Variants in KLC1 observed in about 807,000 individuals in gnomAD.
KLC1 encodes the protein kinesin light chain 1.
A neutral mutation model predicts 84.2 loss-of-function variants in KLC1; 30 were observed. That is an observed-to-expected ratio of 0.36 (90% CI 0.27 to 0.48). The LOEUF is 0.48. Ranked by LOEUF, KLC1 falls within the 20% of genes least tolerant of loss-of-function variation. The pLI is 0.99. For synonymous variants in KLC1, 289 were observed against 293.3 expected (o/e 0.99, Z 0.15); for missense variants, 499 against 805.4 (o/e 0.62, Z 4.60).
intron 1 of KLC1, among the ~76,000 whole-genome samples, chr14:103,638,182 A>G (rs1038475407): frequency 6.6e-6 from 1 of 152,026 alleles, no homozygotes; most frequent in African/African-American, 2.4e-5. Context: ...AACATCCCTT[A>G]TAAACCTTTG....
intron 1 of KLC1, among the ~76,000 whole-genome samples, chr14:103,634,592 G>T (rs1335455116): frequency 6.6e-6 from 1 of 152,154 alleles, no homozygotes. Flanking sequence ...GAGATGGGGA[G>T]TGGGTCTAAG....
rs185842830 is a variant in KLC1, at chr14:103,633,802, A to G, written c.-2+4308A>G. On this transcript the variant is annotated intron_variant, in intron 1 of 16. Transcript: ENST00000334553. ...TTCTTCACTTCCCCACATACTCCTT[A>G]GCCTCTGCCCTGATTTTTCTCCTTA... 1.8e-3 allele frequency among the ~76,000 whole-genome samples: 272 copies of G among 152,122 alleles called. 4 individuals are homozygous for G. The highest frequency in any genetic ancestry group is 3.1e-3 in the Non-Finnish European group (210 of 68,000).
At chr14:103,674,533 G>C (rs1001693386) in intron 9 of KLC1, among the ~76,000 whole-genome samples, 13 of 151,670 alleles carry the variant, frequency 8.6e-5, no homozygotes, top group African/African-American at 3.1e-4. Context: ...TCCTACCTCA[G>C]CCTCCCGAGT....
At chr14:103,687,273 C>A in intron 14 of KLC1, 62 bp downstream of exon 14, 1 of 1,448,230 alleles carries the variant, frequency 6.9e-7, no homozygotes, top group Non-Finnish European at 9.3e-7. Flanking sequence ...GCTTCTCTTC[C>A]TAGCGCAGCC....
rs2081825422 is a variant in KLC1 at position 103,687,149 on chromosome 14, T to C, written c.1719T>C (p.Ser573=). ...SKLRASIRRS[S]EKLVRKLKGG... ...TCCGGGCTTCCATTAGACGCAGCAG[T>C]GAGAAGCTGGTTAGGAAGCTGAAGG... is the stretch of plus-strand genomic sequence containing the variant. The change falls in exon 14 of 17, where the codon AGT becomes AGC. Residue 573 remains serine, a synonymous_variant. Coordinates refer to ENST00000334553, the MANE Select transcript of KLC1 (RefSeq NM_001394837.1). 2.6e-6 allele frequency: 4 copies of C among 1,547,358 alleles called. No individual in the cohort carries two copies. In the East Asian group the frequency reaches 9.8e-5, roughly 38 times the overall value.
At chr14:103,681,950 G>A (rs1315994789) in intron 13 of KLC1, among the ~76,000 whole-genome samples, 1 of 152,172 alleles carries the variant, frequency 6.6e-6, no homozygotes, top group Non-Finnish European at 1.5e-5. Flanking sequence ...TTCTGTTTAA[G>A]TGAAAATTTC....
Position 103,662,708 on chromosome 14 carries a change from A to C in KLC1, c.578A>C (p.Gln193Pro), listed in dbSNP as rs768352788. The C allele has an allele frequency of 8.2e-6, 13 of 1,580,420 alleles. No homozygotes were observed. In the South Asian group the frequency reaches 1.5e-4, roughly 18 times the overall value. The change falls in exon 5 of 17, where the codon CAG (glutamine) becomes CCG (proline). Residue 193 changes from glutamine to proline, a missense_variant. By Grantham distance (76) the Gln-to-Pro change is moderately conservative. This residue lies in a region of KLC1 where 179 missense variants were observed against 264.2 expected (regional missense o/e 0.68). Transcript: ENST00000334553. ...GTGAACTTTCTCGGTGCAGTCCAGCAGCAGCACAGCAGTGCAGCCGCGGCT... is the reference window on the plus strand; with the variant it reads ...GTGAACTTTCTCGGTGCAGTCCAGCCGCAGCACAGCAGTGCAGCCGCGGCT... Reference protein sequence around the residue: ...DEDDPGQGIQQQHSSAAAAAQ... With the variant: ...DEDDPGQGIQPQHSSAAAAAQ...
At chr14:103,685,308 TATATAC>T in intron 13 of KLC1, 11 of 1,320,192 alleles carry the variant, frequency 8.3e-6, no homozygotes, top group Non-Finnish European at 1.1e-5. Flanking sequence ...ATAATCTCCT[TATATAC>T]AGTTACTTGT....
chr14:103,671,094 A>G (rs927201872), intron 7 of KLC1, among the ~76,000 whole-genome samples: 4 of 152,130 alleles, frequency 2.6e-5, no homozygotes, highest in Admixed American at 2.0e-4. Context: ...ACAGTGGAAC[A>G]TGTGCTTGTC....
At chr14:103,645,729 A>G (rs1351178490) in intron 1 of KLC1, among the ~76,000 whole-genome samples, 1 of 151,780 alleles carries the variant, frequency 6.6e-6, no homozygotes, top group Non-Finnish European at 1.5e-5. Context: ...ATCTAAACAT[A>G]GAAAAGATAT....
At chr14:103,629,977 C>T (rs962128178) in intron 1 of KLC1, among the ~76,000 whole-genome samples, 2 of 152,164 alleles carry the variant, frequency 1.3e-5, no homozygotes, top group Non-Finnish European at 2.9e-5. Context: ...CCGATTCCTC[C>T]TCTTCCTTCC....
intron 5 of KLC1, among the ~76,000 whole-genome samples, chr14:103,668,804 G>GT (rs1232999163): frequency 1.3e-5 from 2 of 149,912 alleles, no homozygotes; most frequent in African/African-American, 4.9e-5. Context: ...TTTTGAGACA[G>GT]TCTCACTCTG....
intron 1 of KLC1, among the ~76,000 whole-genome samples, chr14:103,653,724 C>T (rs73363032): frequency 1.7e-4 from 26 of 152,320 alleles, no homozygotes; most frequent in African/African-American, 5.8e-4. Context: ...ATAACTCTGA[C>T]GTGTAATCTT....
intron 15 of KLC1, chr14:103,698,718 C>G (rs2082790252): frequency 7.5e-7 from 1 of 1,332,566 alleles, no homozygotes; most frequent in African/African-American, 1.5e-5. Context: ...TGTGCCACGG[C>G]CCAGGCAGAC....
intron 1 of KLC1, among the ~76,000 whole-genome samples, chr14:103,636,923 G>A (rs559425773): frequency 2.0e-5 from 3 of 150,582 alleles, no homozygotes; most frequent in Non-Finnish European, 4.4e-5. Flanking sequence ...TTAGATATGG[G>A]TTTCACCATG....
At chr14:103,629,820 C>T (rs1175900133) in intron 1 of KLC1, among the ~76,000 whole-genome samples, 1 of 152,134 alleles carries the variant, frequency 6.6e-6, no homozygotes, top group Non-Finnish European at 1.5e-5. Flanking sequence ...CCGCCCTGGC[C>T]CCGCATCCCC....
rs1402580837 is a variant in KLC1 at position 103,694,402 on chromosome 14, C to T, written c.1848+1977C>T. ...GAGTAGCTGGGACTACAGGCACCCGCCAGGCGGATCACAAGGTCAGGAGAT... is the reference window on the plus strand; with the variant it reads ...GAGTAGCTGGGACTACAGGCACCCGTCAGGCGGATCACAAGGTCAGGAGAT... On this transcript the variant is annotated intron_variant, in intron 15 of 16. Coordinates refer to ENST00000334553, the MANE Select transcript of KLC1 (RefSeq NM_001394837.1). This position sits in a 1 kb window ranked among gnomAD's most constrained non-coding sequence, Gnocchi z 4.5. 14 of 972,520 alleles carry T rather than the reference C, an allele frequency of 1.4e-5. No individual in the cohort carries two copies. The highest frequency in any genetic ancestry group is 1.6e-5 in the Non-Finnish European group (13 of 818,418). 60.2% of individuals were successfully genotyped at this position (972,520 alleles called of 1,614,324 possible). A position where few individuals can be genotyped will look rare whatever the true frequency, so the allele number is the denominator to read the frequency against.
At chr14:103,659,359 T>C (rs1299680284) in intron 3 of KLC1, among the ~76,000 whole-genome samples, 1 of 152,220 alleles carries the variant, frequency 6.6e-6, no homozygotes, top group African/African-American at 2.4e-5. Context: ...CTCTCAAGTT[T>C]CCAATGGAAT....
intron 1 of KLC1, among the ~76,000 whole-genome samples, chr14:103,636,613 C>T (rs1192740854): frequency 4.6e-5 from 7 of 152,010 alleles, no homozygotes; most frequent in African/African-American, 1.2e-4. Context: ...TAATGGTGAG[C>T]GCTTACATGC....
Sources: allele counts gnomAD v4.1 joint callset (sites outside exome capture counted in the v4.1 genomes callset), GRCh38; gene constraint gnomAD v4.1.1; regional missense constraint gnomAD v4.1.1; non-coding constraint Gnocchi (gnomAD v3.1); transcripts MANE v1.5; gene names NCBI Gene and HGNC (gene_info 2026-07-23, HGNC 2026-07-21).